RFTN2: variants seen among roughly 807,000 people sequenced by gnomAD.
RFTN2 encodes raftlin-2.
Under a neutral mutation model 52.7 loss-of-function variants are expected in RFTN2, and 34 were observed. The ratio of observed to expected loss-of-function variants is 0.64; its 90% CI spans 0.49 to 0.86. RFTN2 has a LOEUF of 0.86. RFTN2 is among the 40% of genes least tolerant of loss of function. RFTN2 has a pLI of 0.00. For synonymous variants in RFTN2, 203 were observed against 217.7 expected (o/e 0.93, Z 0.59); for missense variants, 536 against 600.1 (o/e 0.89, Z 1.12).
At chr2:197,605,070 CT>C (rs1234076084) in intron 7 of RFTN2, among the ~76,000 whole-genome samples, 1 of 151,972 alleles carries the variant, frequency 6.6e-6, no homozygotes, top group Admixed American at 6.6e-5. Flanking sequence ...GTTTTATGCA[CT>C]TTCTATATGA....
intron 5 of RFTN2, among the ~76,000 whole-genome samples, chr2:197,625,516 T>C (rs1025792210): frequency 1.3e-5 from 2 of 152,154 alleles, no homozygotes; most frequent in Admixed American, 1.3e-4. Context: ...ATGGTAACTC[T>C]AAAAAGAATC....
At chr2:197,589,906 G>A (rs775584799) in intron 8 of RFTN2, among the ~76,000 whole-genome samples, 3 of 151,856 alleles carry the variant, frequency 2.0e-5, no homozygotes, top group Non-Finnish European at 4.4e-5. Flanking sequence ...TTGGTCTTAT[G>A]TCTAAAAACT....
At chr2:197,600,086 T>G (rs534926284) in intron 7 of RFTN2, among the ~76,000 whole-genome samples, 1 of 152,212 alleles carries the variant, frequency 6.6e-6, no homozygotes, top group African/African-American at 2.4e-5. Context: ...CTTGAACTCC[T>G]GATATCAGGT....
intron 1 of RFTN2, among the ~76,000 whole-genome samples, chr2:197,661,553 G>A (rs568091714): frequency 2.6e-5 from 4 of 152,048 alleles, no homozygotes; most frequent in Non-Finnish European, 5.9e-5. Context: ...GTACACTTAG[G>A]TTGACTCCAT....
Position 197,570,390 on chromosome 2 carries a change from A to C in RFTN2, c.*1618T>G, listed in dbSNP as rs936817534. ...GAGATTGACTTAGTTTAGATACACT[A>C]TATAATTGATAACATGTAATACATA... is the stretch of plus-strand genomic sequence containing the variant. On this transcript the variant is annotated 3_prime_UTR_variant, in exon 9 of 9. Coordinates refer to ENST00000295049, the MANE Select transcript of RFTN2 (RefSeq NM_144629.3). 2 of 152,232 alleles carry C rather than the reference A, an allele frequency of 1.3e-5. No homozygotes were observed. The highest frequency in any genetic ancestry group is 4.8e-5 in the African/African-American group (2 of 41,464). The allele number at this position is 152,232 out of a possible 1,614,324, so 9.4% of individuals were successfully genotyped here. A position where few individuals can be genotyped will look rare whatever the true frequency, so the allele number is the denominator to read the frequency against.
At chr2:197,574,852 GAGAA>G (rs1481756174) in intron 8 of RFTN2, among the ~76,000 whole-genome samples, 1 of 148,642 alleles carries the variant, frequency 6.7e-6, no homozygotes, top group East Asian at 2.0e-4. Context: ...TGGGCAACAA[GAGAA>G]AGACTCCATC....
At position 197,667,304 on chromosome 2, in the gene RFTN2, A is replaced by G. The variant is rs576133620; in HGVS notation, c.139+8016T>C. On this transcript the variant is annotated intron_variant, in intron 1 of 8. Transcript: ENST00000295049. ...CCTGGCTGGGTTTATTTTTATATCT[A>G]TCTCTCTGGTAAATTTGTCATTCAT... is the stretch of plus-strand genomic sequence containing the variant. Among the ~76,000 whole-genome samples, 10 of 152,118 alleles carry G rather than the reference A, an allele frequency of 6.6e-5. No individual in the cohort carries two copies. In the South Asian group the frequency reaches 1.9e-3, roughly 28 times the overall value.
intron 1 of RFTN2, among the ~76,000 whole-genome samples, chr2:197,663,657 G>A (rs543905085): frequency 6.6e-6 from 1 of 152,148 alleles, no homozygotes; most frequent in Admixed American, 6.5e-5. Context: ...GTATTTCTGT[G>A]GTTATCAGTT....
intron 1 of RFTN2, among the ~76,000 whole-genome samples, chr2:197,663,018 A>G (rs965569131): frequency 6.6e-6 from 1 of 152,104 alleles, no homozygotes; most frequent in African/African-American, 2.4e-5. Context: ...TGTTCCTTCT[A>G]TGCCGAGTTT....
intron 5 of RFTN2, among the ~76,000 whole-genome samples, chr2:197,621,228 G>A (rs1017480349): frequency 4.6e-5 from 7 of 151,680 alleles, no homozygotes; most frequent in African/African-American, 1.7e-4. Context: ...TGTATCCTGT[G>A]ATAATTACAT....
chr2:197,625,692 TC>T, intron 5 of RFTN2, among the ~76,000 whole-genome samples: 1 of 128,218 alleles, frequency 7.8e-6, no homozygotes, highest in African/African-American at 3.0e-5. Context: ...TCCTCTCCTC[TC>T]CTCTCCTCTC....
In RFTN2 at chr2:197,665,787, A is replaced by G. The variant is rs202015630; in HGVS notation, c.139+9533T>C. ...CATTCAAGGTTATTACTGATATGTG[A>G]GTTTTTGTTCCTATCATATTGTTAA... On this transcript the variant is annotated intron_variant, in intron 1 of 8. Coordinates refer to ENST00000295049, the MANE Select transcript of RFTN2 (RefSeq NM_144629.3). 3.8e-5 allele frequency among the ~76,000 whole-genome samples: 5 copies of G among 131,540 alleles called. 1 individual carries two copies. Among genetic ancestry groups the G allele is most frequent in the Admixed American group, 3.1e-4 (4 of 12,852 alleles). The allele number at this position is 131,540 out of a possible 152,430, so 86.3% of individuals were successfully genotyped here. A position where few individuals can be genotyped will look rare whatever the true frequency, so the allele number is the denominator to read the frequency against.
chr2:197,666,244 C>G (rs1257884262), intron 1 of RFTN2, among the ~76,000 whole-genome samples: 1 of 152,142 alleles, frequency 6.6e-6, no homozygotes, highest in East Asian at 1.9e-4. Flanking sequence ...GCCACCATGC[C>G]TAGCTAATTT....
intron 1 of RFTN2, among the ~76,000 whole-genome samples, chr2:197,669,279 G>C (rs1044873196): frequency 1.3e-5 from 2 of 151,676 alleles, no homozygotes; most frequent in Admixed American, 6.6e-5. Flanking sequence ...TTTATTTTCA[G>C]TTTCCAGACA....
chr2:197,638,592 G>A (rs1438612813), intron 3 of RFTN2, among the ~76,000 whole-genome samples: 3 of 137,268 alleles, frequency 2.2e-5, no homozygotes, highest in African/African-American at 8.5e-5. Flanking sequence ...CATTTGCTTG[G>A]TAGATCTTCC....
chr2:197,642,873 G>A (rs1024865100), intron 3 of RFTN2, among the ~76,000 whole-genome samples: 2 of 152,020 alleles, frequency 1.3e-5, no homozygotes, highest in Non-Finnish European at 2.9e-5. Context: ...CAGCTACCAG[G>A]GTGGCTAAGG....
intron 7 of RFTN2, among the ~76,000 whole-genome samples, chr2:197,605,498 AGCCACCGCGCCT>A (rs1413253825): frequency 6.6e-6 from 1 of 152,098 alleles, no homozygotes; most frequent in Non-Finnish European, 1.5e-5. Context: ...TACAGGCGTG[AGCCACCGCGCCT>A]GGCCGAATTT....
At chr2:197,634,667 G>A (rs1384048166) in intron 3 of RFTN2, among the ~76,000 whole-genome samples, 1 of 149,624 alleles carries the variant, frequency 6.7e-6, no homozygotes, top group Non-Finnish European at 1.5e-5. Flanking sequence ...AATAATTTTT[G>A]GGAACTTAAG....
chr2:197,622,601 T>C (rs2088286339), intron 5 of RFTN2, among the ~76,000 whole-genome samples: 1 of 152,180 alleles, frequency 6.6e-6, no homozygotes, highest in African/African-American at 2.4e-5. Flanking sequence ...CCACTGCGCC[T>C]GGCCTAAAAC....
Sources: gnomAD v4.1 joint callset for allele counts (sites outside exome capture counted in the v4.1 genomes callset) on GRCh38, gnomAD v4.1.1 for gene constraint, MANE v1.5 for transcripts, NCBI Gene and HGNC (gene_info 2026-07-23, HGNC 2026-07-21) for gene names.